The following LRRC56 variants were observed in gnomAD, a reference collection of about 807,000 sequenced individuals.
LRRC56 encodes the protein leucine-rich repeat-containing protein 56.
LRRC56 carries 41 observed loss-of-function variants against 47.8 expected under a neutral mutation model. The observed-to-expected ratio is 0.86, with a 90% confidence interval of 0.67 to 1.11. The LOEUF is 1.11. Ranked by LOEUF, LRRC56 falls within the 50% of genes most tolerant of loss-of-function variation. LRRC56 has a pLI of 0.00. For missense variants in LRRC56, 759 were observed against 704.2 expected (o/e 1.08, Z -0.88); for synonymous variants, 387 against 311.2 (o/e 1.24, Z -2.56).
upstream of LRRC56, chr11:534,493 G>C: frequency 1.6e-6 from 1 of 622,494 alleles, no homozygotes; most frequent in Non-Finnish European, 2.8e-6. Flanking sequence ...CCAACGCCAG[G>C]CAGCAAGGAC....
intron 6 of LRRC56, among the ~76,000 whole-genome samples, chr11:548,451 T>TTTTGTTTG (rs56130745): frequency 0.27 from 40,414 of 150,750 alleles, 5,879 homozygotes; most frequent in African/African-American, 0.39. Context: ...CAGCCTCAAG[T>TTTTGTTTG]TTTGTTTGTT....
chr11:513,358 G>A, the LRRC56 span, among the ~76,000 whole-genome samples: 3 of 152,116 alleles, frequency 2.0e-5, no homozygotes, highest in Admixed American at 1.3e-4. Context: ...CACCATGTTG[G>A]CGAGGCTGGT....
the LRRC56 span, among the ~76,000 whole-genome samples, chr11:507,695 CT>C: frequency 6.6e-6 from 1 of 152,240 alleles, no homozygotes; most frequent in African/African-American, 2.4e-5. Context: ...AGAAACCCCC[CT>C]GGGGCGGCTC....
chr11:527,862 G>A, the LRRC56 span, among the ~76,000 whole-genome samples: 2,792 of 152,116 alleles, frequency 0.018, 82 homozygotes, highest in African/African-American at 0.063. Context: ...CACCACACCC[G>A]GCTAATTTTG....
At chr11:525,652 TAGAG>T in the LRRC56 span, among the ~76,000 whole-genome samples, 2 of 152,040 alleles carry the variant, frequency 1.3e-5, no homozygotes, top group Non-Finnish European at 2.9e-5. Flanking sequence ...TCCGAATACT[TAGAG>T]AGGCTGAGGC....
chr11:526,598 T>C, the LRRC56 span, among the ~76,000 whole-genome samples: 3 of 152,080 alleles, frequency 2.0e-5, no homozygotes, highest in African/African-American at 7.2e-5. Context: ...GCAAACTAAA[T>C]ATTCTTTAGC....
At chr11:534,200 C>T (rs1589793537), upstream of LRRC56, 5 of 1,596,564 alleles carry the variant, frequency 3.1e-6, no homozygotes, top group South Asian at 1.1e-5. Flanking sequence ...TGGACGGCGG[C>T]GCCAGGCTCA....
At chr11:529,810 G>T in the LRRC56 span, 2 of 152,202 alleles carry the variant, frequency 1.3e-5, no homozygotes, top group Non-Finnish European at 2.9e-5. Flanking sequence ...CCCTCAAGGG[G>T]AGGAGCTGGC....
upstream of LRRC56, chr11:537,028 G>C (rs969942596): frequency 1.3e-5 from 2 of 152,258 alleles, no homozygotes; most frequent in Non-Finnish European, 2.9e-5. Flanking sequence ...TCCGGCGTCC[G>C]GTGTGTGTTT....
At chr11:544,835 C>A in intron 6 of LRRC56, 55 bp downstream of exon 6, 1 of 1,494,864 alleles carries the variant, frequency 6.7e-7, no homozygotes, top group Non-Finnish European at 9.2e-7. Context: ...TCCGATGGGA[C>A]AGGCCCTGCA....
the LRRC56 span, among the ~76,000 whole-genome samples, chr11:525,931 C>A: frequency 6.6e-6 from 1 of 151,608 alleles, no homozygotes; most frequent in South Asian, 2.1e-4. Context: ...CGCGGTGGCT[C>A]ACACCTATAA....
chr11:534,233 G>A (rs745489020), upstream of LRRC56: 4 of 1,613,086 alleles, frequency 2.5e-6, no homozygotes, highest in Non-Finnish European at 3.4e-6. Context: ...GGTCGTATTC[G>A]TCCACAAAAT....
chr11:525,404 T>TG, the LRRC56 span, among the ~76,000 whole-genome samples: 1 of 152,028 alleles, frequency 6.6e-6, no homozygotes, highest in South Asian at 2.1e-4. Flanking sequence ...CCGGCCGTGG[T>TG]GGCGGCCGCC....
At chr11:546,866 C>T (rs965122812) in intron 6 of LRRC56, among the ~76,000 whole-genome samples, 8 of 151,832 alleles carry the variant, frequency 5.3e-5, no homozygotes, top group Non-Finnish European at 1.0e-4. Context: ...GCCTGGCTAA[C>T]GTGGTGAAAA....
the LRRC56 span, chr11:529,780 A>AACCCGC: frequency 6.6e-6 from 1 of 152,302 alleles, no homozygotes; most frequent in South Asian, 2.1e-4. Flanking sequence ...TCTGCGGGTA[A>AACCCGC]CCCCAGGCAT....
the LRRC56 span, among the ~76,000 whole-genome samples, chr11:511,883 G>GT: frequency 6.6e-6 from 1 of 152,310 alleles, no homozygotes; most frequent in East Asian, 1.9e-4. Context: ...GCGCTGGAGG[G>GT]ACAGCTGTGC....
the LRRC56 span, among the ~76,000 whole-genome samples, chr11:518,040 A>G: frequency 7.2e-5 from 11 of 152,202 alleles, no homozygotes; most frequent in East Asian, 7.7e-4. Context: ...GGAAGGCCGC[A>G]GGGACCTCTG....
chr11:551,029 T>C (rs1852353685), intron 8 of LRRC56, 102 bp from the exon 9 acceptor site: 1 of 680,766 alleles, frequency 1.5e-6, no homozygotes, highest in Middle Eastern at 4.3e-4. Flanking sequence ...GCCCCTGCCC[T>C]GCCCCACGGT....
At chr11:513,793 G>C in the LRRC56 span, among the ~76,000 whole-genome samples, 6 of 148,098 alleles carry the variant, frequency 4.1e-5, no homozygotes, top group Admixed American at 1.4e-4. Flanking sequence ...TTGAACTCCA[G>C]CTGGGCATAA....
Sources: gnomAD v4.1 joint callset for allele counts (sites outside exome capture counted in the v4.1 genomes callset) on GRCh38, gnomAD v4.1.1 for gene constraint, MANE v1.5 for transcripts, NCBI Gene and HGNC (gene_info 2026-07-23, HGNC 2026-07-21) for gene names.